The following FAAH2 variants were observed in gnomAD, a reference collection of about 807,000 sequenced individuals.
FAAH2 encodes fatty acid amide hydrolase 2.
In FAAH2, 60 loss-of-function variants were observed where a neutral mutation model predicts 36.9. The observed-to-expected ratio is 1.63, with a 90% CI of 1.32 to 2.02. The LOEUF (loss-of-function observed/expected upper bound fraction) is 2.02. Ranked by LOEUF, FAAH2 falls within the 30% of genes most tolerant of loss-of-function variation. The probability of loss-of-function intolerance (pLI) is 0.00; values close to 1 mark genes in which losing one functional copy is unlikely to be tolerated. For missense variants in FAAH2, 689 were observed against 397.5 expected (o/e 1.73, Z -6.23); for synonymous variants, 214 against 143.8 (o/e 1.49, Z -3.49).
Position 57,346,985 on chromosome X carries a change from C to A in FAAH2, c.742+5595C>A, listed in dbSNP as rs757056033. Among the ~76,000 whole-genome samples, 143 of 110,884 alleles carry A rather than the reference C, an allele frequency of 1.3e-3. 1 individual carries two copies. Among genetic ancestry groups the A allele is most frequent in the Middle Eastern group, 4.7e-3 (1 of 213 alleles). On this transcript the variant is annotated intron_variant, in intron 5 of 10. Transcript: ENST00000374900. ...GTGACATGACCTTTTCCCTTACTTGCCTTTAAGGATTTTACTTTTCCCATT... is the reference window on the plus strand; with the variant it reads ...GTGACATGACCTTTTCCCTTACTTGACTTTAAGGATTTTACTTTTCCCATT...
the FAAH2 span, among the ~76,000 whole-genome samples, chrX:57,251,764 G>T: frequency 1.1e-3 from 122 of 111,905 alleles, no homozygotes; most frequent in African/African-American, 2.4e-3. Flanking sequence ...CTGGTCTACA[G>T]TTCCCAGTGA....
At chrX:57,295,922 C>T (rs1038651128) in intron 2 of FAAH2, among the ~76,000 whole-genome samples, 4 of 112,383 alleles carry the variant, frequency 3.6e-5, no homozygotes, top group Non-Finnish European at 7.5e-5. Flanking sequence ...GGCGCCTTTG[C>T]TCAGGCTTGA....
At chrX:57,159,077 T>C in the FAAH2 span, among the ~76,000 whole-genome samples, 2 of 112,349 alleles carry the variant, frequency 1.8e-5, no homozygotes, top group South Asian at 3.7e-4. Flanking sequence ...GTTTTCACAG[T>C]ACCATTTATT....
At chrX:57,255,223 C>T in the FAAH2 span, among the ~76,000 whole-genome samples, 1 of 111,344 alleles carries the variant, frequency 9.0e-6, no homozygotes, top group Non-Finnish European at 1.9e-5. Context: ...AAGACTAAAC[C>T]AGGAAAAAGT....
intron 10 of FAAH2, among the ~76,000 whole-genome samples, chrX:57,453,987 A>C (rs1235984141): frequency 9.0e-6 from 1 of 110,983 alleles, no homozygotes; most frequent in African/African-American, 3.3e-5. Context: ...CACCTAACAA[A>C]AGAAGTGAGG....
intron 5 of FAAH2, among the ~76,000 whole-genome samples, chrX:57,360,906 T>C (rs936550115): frequency 9.0e-6 from 1 of 111,340 alleles, no homozygotes; most frequent in Non-Finnish European, 1.9e-5. Context: ...AACTGCCACT[T>C]ATGAGTAAGA....
the FAAH2 span, among the ~76,000 whole-genome samples, chrX:57,183,925 A>G: frequency 9.0e-6 from 1 of 110,508 alleles, no homozygotes; most frequent in South Asian, 3.9e-4. Context: ...AAATATTAAT[A>G]TTAATACCCT....
the FAAH2 span, among the ~76,000 whole-genome samples, chrX:57,164,275 C>T: frequency 2.3e-4 from 26 of 112,169 alleles, no homozygotes; most frequent in East Asian, 1.1e-3. Context: ...ACATTAAAGT[C>T]CTTCCTGTAG....
Position 57,294,983 on chromosome X carries a change from C to G in FAAH2, c.275+2403C>G, listed in dbSNP as rs765782372. ...ACACCAAGATGATAACTGCAGGAAA[C>G]AGCAAACTGAGGGAACACCCTAGGT... is the stretch of plus-strand genomic sequence containing the variant. On this transcript the variant is annotated intron_variant, in intron 2 of 10. Coordinates refer to ENST00000374900, the MANE Select transcript of FAAH2 (RefSeq NM_174912.4). Among the ~76,000 whole-genome samples, 11 of 111,896 alleles carry G rather than the reference C, an allele frequency of 9.8e-5. No homozygotes were observed. In the South Asian group the frequency reaches 1.9e-3, roughly 19 times the overall value.
the FAAH2 span, among the ~76,000 whole-genome samples, chrX:57,254,501 T>C: frequency 8.9e-6 from 1 of 111,847 alleles, no homozygotes; most frequent in Non-Finnish European, 1.9e-5. Flanking sequence ...GCACTTATTC[T>C]AAAATTGACC....
intron 7 of FAAH2, among the ~76,000 whole-genome samples, chrX:57,397,169 GT>G (rs943987183): frequency 2.7e-5 from 3 of 111,402 alleles, no homozygotes; most frequent in Non-Finnish European, 5.7e-5. Context: ...TAACCATTAG[GT>G]GGGTGTCTTA....
chrX:57,436,713 C>T (rs1033179770), intron 8 of FAAH2, among the ~76,000 whole-genome samples: 7 of 111,266 alleles, frequency 6.3e-5, no homozygotes, highest in Non-Finnish European at 1.1e-4. Context: ...TAATAGAGAA[C>T]TTGAGCAGAC....
chrX:57,154,526 G>A, the FAAH2 span, among the ~76,000 whole-genome samples: 1,062 of 109,801 alleles, frequency 9.7e-3, 43 homozygotes, highest in Admixed American at 0.082. Flanking sequence ...GCCCACCTTG[G>A]CCTCCCAAAG....
chrX:57,405,676 A>T (rs899286430), intron 7 of FAAH2, among the ~76,000 whole-genome samples: 1 of 103,559 alleles, frequency 9.7e-6, no homozygotes, highest in Non-Finnish European at 2.0e-5. Context: ...ATTTTTTAAA[A>T]AAATTTTTCT....
chrX:57,433,496 A>C (rs2056347257), intron 8 of FAAH2, among the ~76,000 whole-genome samples: 1 of 112,185 alleles, frequency 8.9e-6, no homozygotes, highest in East Asian at 2.8e-4. Context: ...TTTTGTGACT[A>C]CATAATAGTT....
chrX:57,392,512 C>A lies in FAAH2; in HGVS notation c.996+11483C>A. 4.1e-6 allele frequency: 3 copies of A among 724,463 alleles called. No individual in the cohort carries two copies. The South Asian group carries it at 6.9e-5, about 17-fold the overall frequency. 59.7% of individuals were successfully genotyped at this position (724,463 alleles called of 1,213,427 possible). On this transcript the variant is annotated intron_variant, in intron 7 of 10. Coordinates refer to ENST00000374900, the MANE Select transcript of FAAH2 (RefSeq NM_174912.4). Reference sequence around the variant, plus strand: ...CTGAAAATGACATCCGGGAAAACTCCTACTATTAGTTTCAGATCTTCTGGG... The same window carrying A: ...CTGAAAATGACATCCGGGAAAACTCATACTATTAGTTTCAGATCTTCTGGG...
intron 2 of FAAH2, among the ~76,000 whole-genome samples, chrX:57,295,917 C>A (rs890083340): frequency 5.3e-5 from 6 of 112,459 alleles, no homozygotes; most frequent in Non-Finnish European, 1.1e-4. Context: ...GGAGGGGCGC[C>A]TTTGCTCAGG....
chrX:57,347,604 G>GTTTTTTTTTTTTTTTTTTTT (rs61323098), intron 5 of FAAH2, among the ~76,000 whole-genome samples: 2 of 77,900 alleles, frequency 2.6e-5, no homozygotes, highest in African/African-American at 1.3e-4. Flanking sequence ...GGGATGCTAA[G>GTTTTTTTTTTTTTTTTTTTT]TTTTTTTTTT....
intron 7 of FAAH2, chrX:57,393,019 T>C (rs1264705079): frequency 5.6e-6 from 5 of 899,584 alleles, no homozygotes; most frequent in Non-Finnish European, 8.2e-6. Context: ...TGGAAGCTGC[T>C]GGGTGCTTGT....
Sources: gnomAD v4.1 joint callset for allele counts (sites outside exome capture counted in the v4.1 genomes callset) on GRCh38, gnomAD v4.1.1 for gene constraint, MANE v1.5 for transcripts, NCBI Gene and HGNC (gene_info 2026-07-23, HGNC 2026-07-21) for gene names.